PARD3B: variants seen among roughly 807,000 people sequenced by gnomAD.
PARD3B encodes the protein partitioning defective 3 homolog B.
PARD3B carries 103 observed loss-of-function variants against 130.2 expected under a neutral mutation model. The observed-to-expected ratio is 0.79, with a 90% CI of 0.67 to 0.93. PARD3B has a LOEUF of 0.93. PARD3B is among the 40% of genes least tolerant of loss of function. The probability of loss-of-function intolerance (pLI) is 0.00; values close to 1 mark genes in which losing one functional copy is unlikely to be tolerated. For synonymous variants in PARD3B, 583 were observed against 553.2 expected, an observed-to-expected ratio of 1.05 and a Z score of -0.76; for missense variants, 1,609 against 1,499.2, an observed-to-expected ratio of 1.07 and a Z score of -1.21.
chr2:204,974,720 C>A (rs976599837), intron 3 of PARD3B, among the ~76,000 whole-genome samples: 5 of 152,208 alleles, frequency 3.3e-5, no homozygotes, highest in African/African-American at 1.2e-4. Flanking sequence ...ACTGCCCTTA[C>A]GGCAGAGTTC....
rs113663240 is a variant in PARD3B at position 204,706,527 on chromosome 2, T to C, written c.222+20245T>C. Among the ~76,000 whole-genome samples, 718 of 152,156 alleles carry C rather than the reference T, an allele frequency of 4.7e-3. 6 individuals carry two copies. Among genetic ancestry groups the C allele is most frequent in the African/African-American group, 0.016 (679 of 41,500 alleles). On this transcript the variant is annotated intron_variant, in intron 2 of 22. Coordinates refer to ENST00000406610, the MANE Select transcript of PARD3B (RefSeq NM_001302769.2). ...GATGGGGTGTGGTGACCAGCCTAGG[T>C]AGGGGTTTACTTTGAAAAATATGAA...
At chr2:204,615,469 G>C (rs1045603288) in intron 1 of PARD3B, among the ~76,000 whole-genome samples, 1 of 152,218 alleles carries the variant, frequency 6.6e-6, no homozygotes, top group African/African-American at 2.4e-5. Flanking sequence ...ACATCTCATT[G>C]TACAGTATTA....
At chr2:204,998,337 T>A (rs185040712) in intron 3 of PARD3B, among the ~76,000 whole-genome samples, 3 of 42,334 alleles carry the variant, frequency 7.1e-5, no homozygotes, top group Non-Finnish European at 1.4e-4. Context: ...TATATATATA[T>A]ATATATATAT....
intron 12 of PARD3B, among the ~76,000 whole-genome samples, chr2:205,174,376 C>T (rs1197225160): frequency 6.6e-6 from 1 of 152,144 alleles, no homozygotes; most frequent in East Asian, 1.9e-4. Context: ...ACATGCTTTC[C>T]ATGGGGAATG....
intron 18 of PARD3B, among the ~76,000 whole-genome samples, chr2:205,355,232 G>A (rs750778982): frequency 2.6e-5 from 4 of 152,120 alleles, no homozygotes; most frequent in Non-Finnish European, 5.9e-5. Context: ...CATGCATGAC[G>A]TACCAGTTCT....
At position 204,849,688 on chromosome 2, in the gene PARD3B, A is replaced by G. The variant is rs1024560414; in HGVS notation, c.223-115464A>G. ...TGACACGTTACTTAGCATTTATCAGAAAGAAAATGTTTTTCCTCAGAAGAA... is the reference window on the plus strand; with the variant it reads ...TGACACGTTACTTAGCATTTATCAGGAAGAAAATGTTTTTCCTCAGAAGAA... On this transcript the variant is annotated intron_variant, in intron 2 of 22. Coordinates refer to ENST00000406610, the MANE Select transcript of PARD3B (RefSeq NM_001302769.2). 2.7e-4 allele frequency among the ~76,000 whole-genome samples: 41 copies of G among 152,230 alleles called. 1 individual carries two copies. Among genetic ancestry groups the G allele is most frequent in the Non-Finnish European group, 4.4e-5 (3 of 68,046 alleles).
chr2:204,687,014 C>G (rs2037116694), intron 2 of PARD3B, among the ~76,000 whole-genome samples: 1 of 152,116 alleles, frequency 6.6e-6, no homozygotes, highest in Non-Finnish European at 1.5e-5. Flanking sequence ...TCAGAGAGAT[C>G]TAGCTTTCAA....
chr2:205,229,267 G>A lies in PARD3B; in HGVS notation c.2141-16511G>A, dbSNP rs1054359183. On this transcript the variant is annotated intron_variant, in intron 15 of 22. Transcript: ENST00000406610. The surrounding 1 kb of genome is among the most constrained non-coding windows in gnomAD (Gnocchi z 5.2). ...ATCCTTCTTGGGAAGGTTTTAAATCGGTTCTTGGGGTCATCAATTCCACGC... is the reference window on the plus strand; with the variant it reads ...ATCCTTCTTGGGAAGGTTTTAAATCAGTTCTTGGGGTCATCAATTCCACGC... Among the ~76,000 whole-genome samples, 3 of 152,056 alleles carry A rather than the reference G, an allele frequency of 2.0e-5. No homozygotes were observed. Among genetic ancestry groups the A allele is most frequent in the Admixed American group, 6.5e-5 (1 of 15,274 alleles).
chr2:205,228,881 G>A (rs1299961264), intron 15 of PARD3B, among the ~76,000 whole-genome samples: 1 of 152,132 alleles, frequency 6.6e-6, no homozygotes, highest in Non-Finnish European at 1.5e-5. Context: ...CAGTTCTGCT[G>A]TTAAGAGAAT....
intron 10 of PARD3B, among the ~76,000 whole-genome samples, chr2:205,134,644 T>G (rs2032315958): frequency 6.6e-6 from 1 of 152,220 alleles, no homozygotes; most frequent in Non-Finnish European, 1.5e-5. Flanking sequence ...GCCAGCTTTT[T>G]GAATGTGCTC....
In PARD3B at chr2:205,291,875, C is replaced by A. The variant is rs1056101499; in HGVS notation, c.2186-8655C>A. On this transcript the variant is annotated intron_variant, in intron 16 of 22. Transcript: ENST00000406610. The surrounding 1 kb of genome is among the most constrained non-coding windows in gnomAD (Gnocchi z 4.6). ...TATGGATCAGCCATCTCAGCAGAAG[C>A]CAGGAGCTATTCTCCAGGACAATGG... Among the ~76,000 whole-genome samples, 1 of 152,186 alleles carries A rather than the reference C, an allele frequency of 6.6e-6. No individual in the cohort carries two copies. The highest frequency in any genetic ancestry group is 2.4e-5 in the African/African-American group (1 of 41,444).
chr2:205,424,088 T>TA (rs2047064335), intron 19 of PARD3B, among the ~76,000 whole-genome samples: 1 of 152,122 alleles, frequency 6.6e-6, no homozygotes. Context: ...TAAAAGTTTT[T>TA]AAAAAAGAAA....
Position 205,519,195 on chromosome 2 carries a change from C to T in PARD3B, c.3180+19164C>T, listed in dbSNP as rs1025221622. Among the ~76,000 whole-genome samples the T allele has an allele frequency of 3.3e-5, 5 of 152,166 alleles. No homozygotes were observed. In the South Asian group the frequency reaches 1.0e-3, roughly 32 times the overall value. ...TGAAATACGTTTTCCAAGTTGTTTG[C>T]TTTCTCCCCCTCCCTTTCAGGGATA... is the stretch of plus-strand genomic sequence containing the variant. On this transcript the variant is annotated intron_variant, in intron 21 of 22. Coordinates refer to ENST00000406610, the MANE Select transcript of PARD3B (RefSeq NM_001302769.2).
At chr2:205,231,249 G>C (rs1302914699) in intron 15 of PARD3B, among the ~76,000 whole-genome samples, 4 of 151,854 alleles carry the variant, frequency 2.6e-5, no homozygotes, top group African/African-American at 9.7e-5. Context: ...GACTTAAGTG[G>C]TCTTAGGGCC....
chr2:204,720,732 G>T (rs2038959483), intron 2 of PARD3B, among the ~76,000 whole-genome samples: 1 of 152,104 alleles, frequency 6.6e-6, no homozygotes, highest in South Asian at 2.1e-4. Flanking sequence ...TCCGGTACCT[G>T]TTATATCAGG....
rs113211763 is a variant in PARD3B at position 205,015,412 on chromosome 2, G to T, written c.395-32169G>T. ...AAGTGAACCTGCGCAGCTCGAACCT[G>T]TGTTGTTCAAGGGTCAACCATACTG... On this transcript the variant is annotated intron_variant, in intron 3 of 22. Coordinates refer to ENST00000406610, the MANE Select transcript of PARD3B (RefSeq NM_001302769.2). The surrounding 1 kb of genome is among the most constrained non-coding windows in gnomAD (Gnocchi z 4.5). Among the ~76,000 whole-genome samples, 63 of 152,268 alleles carry T rather than the reference G, an allele frequency of 4.1e-4. No homozygotes were observed. Among genetic ancestry groups the T allele is most frequent in the African/African-American group, 1.4e-3 (58 of 41,564 alleles).
At chr2:205,328,154 G>A (rs1344241760) in intron 18 of PARD3B, among the ~76,000 whole-genome samples, 1 of 152,100 alleles carries the variant, frequency 6.6e-6, no homozygotes, top group African/African-American at 2.4e-5. Context: ...GCTATCAGTT[G>A]TCAAAACCCC....
chr2:205,068,523 G>C (rs903190585), intron 4 of PARD3B, among the ~76,000 whole-genome samples: 4 of 151,482 alleles, frequency 2.6e-5, no homozygotes, highest in Non-Finnish European at 5.9e-5. Flanking sequence ...ATTAACTTTT[G>C]CTTTTATTTC....
intron 1 of PARD3B, among the ~76,000 whole-genome samples, chr2:204,609,883 A>C (rs1574544230): frequency 2.6e-5 from 4 of 152,156 alleles, no homozygotes; most frequent in Admixed American, 2.6e-4. Flanking sequence ...TACATATGCA[A>C]ATTTCCCTTA....
Sources: allele counts gnomAD v4.1 joint callset (sites outside exome capture counted in the v4.1 genomes callset), GRCh38; gene constraint gnomAD v4.1.1; non-coding constraint Gnocchi (gnomAD v3.1); transcripts MANE v1.5; gene names NCBI Gene and HGNC (gene_info 2026-07-23, HGNC 2026-07-21).